Variants in ZSWIM6 observed in about 807,000 individuals in gnomAD.
The protein encoded by ZSWIM6 is zinc finger SWIM-type containing 6, also known as zinc finger SWIM domain-containing protein 6.
A neutral mutation model predicts 113.2 loss-of-function variants in ZSWIM6; 9 were observed. The observed-to-expected ratio is 0.08, with a 90% confidence interval of 0.05 to 0.14. The LOEUF is 0.14. Among genes scored for constraint, ZSWIM6 ranks in the 10% least tolerant of loss-of-function variants. The pLI is 1.00. For synonymous variants in ZSWIM6, 611 were observed against 606.5 expected (o/e 1.01, Z -0.11); for missense variants, 1,162 against 1,552.2 (o/e 0.75, Z 4.22).
At chr5:61,521,165 C>T in intron 4 of ZSWIM6, 98 bp from the exon 5 acceptor site, 1 of 677,326 alleles carries the variant, frequency 1.5e-6, no homozygotes, top group Non-Finnish European at 2.0e-6. Flanking sequence ...ATATAAATTA[C>T]ATTTTTAAAT....
At chr5:61,439,063 T>C (rs1746771092) in intron 1 of ZSWIM6, among the ~76,000 whole-genome samples, 1 of 152,208 alleles carries the variant, frequency 6.6e-6, no homozygotes, top group African/African-American at 2.4e-5. Flanking sequence ...AGAAAATTCC[T>C]ATTAAACCTA....
chr5:61,533,648 T>A (rs551511842), intron 9 of ZSWIM6, among the ~76,000 whole-genome samples: 1 of 152,244 alleles, frequency 6.6e-6, no homozygotes. Context: ...ATCTCCTGAA[T>A]AGTACAAAAA....
At chr5:61,479,365 TTGGGGAATGCAAAAAC>T (rs2112195988) in intron 2 of ZSWIM6, among the ~76,000 whole-genome samples, 2 of 152,266 alleles carry the variant, frequency 1.3e-5, no homozygotes, top group Admixed American at 1.3e-4. Context: ...GAGGAATTTG[TTGGGGAATGCAAAAAC>T]AGCCAGGTTA....
At chr5:61,443,647 G>A (rs1196993291) in intron 1 of ZSWIM6, among the ~76,000 whole-genome samples, 3 of 152,172 alleles carry the variant, frequency 2.0e-5, no homozygotes, top group Non-Finnish European at 4.4e-5. Flanking sequence ...AATAGTCATT[G>A]ATTTAGCTAA....
At chr5:61,502,464 A>G (rs995809817) in intron 4 of ZSWIM6, among the ~76,000 whole-genome samples, 1 of 152,198 alleles carries the variant, frequency 6.6e-6, no homozygotes, top group African/African-American at 2.4e-5. Flanking sequence ...GACGAGGCAG[A>G]TCCTTCTCAA....
Position 61,433,613 on chromosome 5 carries a change from C to T in ZSWIM6, c.677-39068C>T, listed in dbSNP as rs563757909. 1.1e-3 allele frequency among the ~76,000 whole-genome samples: 165 copies of T among 152,004 alleles called. 1 individual carries two copies. Among genetic ancestry groups the T allele is most frequent in the African/African-American group, 3.8e-3 (159 of 41,462 alleles). Reference sequence around the variant, plus strand: ...TCAGCCTCCCAGGTAGCTGGGATTACAGGCTTGTACCACCATGCCCGGCTA... The same window carrying T: ...TCAGCCTCCCAGGTAGCTGGGATTATAGGCTTGTACCACCATGCCCGGCTA... On this transcript the variant is annotated intron_variant, in intron 1 of 13. Coordinates refer to ENST00000252744, the MANE Select transcript of ZSWIM6 (RefSeq NM_020928.2).
At chr5:61,387,447 T>G (rs1339434259) in intron 1 of ZSWIM6, among the ~76,000 whole-genome samples, 1 of 152,214 alleles carries the variant, frequency 6.6e-6, no homozygotes, top group Non-Finnish European at 1.5e-5. Flanking sequence ...GTGGATTGCT[T>G]GAGCTCAGGA....
At chr5:61,352,881 C>G (rs755558322) in intron 1 of ZSWIM6, among the ~76,000 whole-genome samples, 1 of 152,144 alleles carries the variant, frequency 6.6e-6, no homozygotes, top group South Asian at 2.1e-4. Flanking sequence ...TGCTCACATG[C>G]ATAGGTCAGT....
chr5:61,526,492 A>G, intron 7 of ZSWIM6, 96 bp downstream of exon 7: 4 of 1,343,668 alleles, frequency 3.0e-6, no homozygotes, highest in Non-Finnish European at 4.0e-6. Context: ...TAGAACTAAA[A>G]CCATAGATGA....
chr5:61,397,393 G>A (rs923439319), intron 1 of ZSWIM6, among the ~76,000 whole-genome samples: 1 of 152,144 alleles, frequency 6.6e-6, no homozygotes, highest in Non-Finnish European at 1.5e-5. Context: ...GTGCCCCCAG[G>A]GGGTGGCAAT....
chr5:61,332,336 G>GGCGGCGGCGGGGGCA lies in ZSWIM6; in HGVS notation c.67_81dup (p.Gly23_Ser27dup), dbSNP rs2112011648. The GGCGGCGGCGGGGGCA allele has an allele frequency of 9.3e-7, 1 of 1,071,912 alleles. No individual in the cohort carries two copies. Among genetic ancestry groups the GGCGGCGGCGGGGGCA allele is most frequent in the South Asian group, 4.3e-5 (1 of 23,126 alleles). 66.4% of individuals were successfully genotyped at this position (1,071,912 alleles called of 1,614,324 possible). ...GCTTTGCTGCCGGCCGGGCGGCGGC[G>GGCGGCGGCGGGGGCA]GCGGCGGCGGGGGCAGCAGCGGCGG... On this transcript the variant is annotated inframe_insertion, in exon 1 of 14. Coordinates refer to ENST00000252744, the MANE Select transcript of ZSWIM6 (RefSeq NM_020928.2).
chr5:61,486,508 G>A (rs948211692), intron 2 of ZSWIM6, among the ~76,000 whole-genome samples: 9 of 152,058 alleles, frequency 5.9e-5, no homozygotes, highest in African/African-American at 2.2e-4. Flanking sequence ...AGTAATTTGA[G>A]AAATCTCCAT....
intron 1 of ZSWIM6, among the ~76,000 whole-genome samples, chr5:61,387,960 A>T (rs1022694784): frequency 2.8e-5 from 4 of 141,766 alleles, no homozygotes; most frequent in African/African-American, 1.1e-4. Context: ...TACAGAAGTG[A>T]TATTTTACCC....
At chr5:61,425,787 A>C (rs1303023240) in intron 1 of ZSWIM6, among the ~76,000 whole-genome samples, 1 of 152,218 alleles carries the variant, frequency 6.6e-6, no homozygotes. Flanking sequence ...CTGGGCTTAT[A>C]AAAGGGATCA....
chr5:61,513,492 ATCAATT>A (rs1271675748), intron 4 of ZSWIM6, among the ~76,000 whole-genome samples: 1 of 152,098 alleles, frequency 6.6e-6, no homozygotes, highest in Non-Finnish European at 1.5e-5. Flanking sequence ...AGTCTACTTT[ATCAATT>A]TCATCTTTTA....
intron 4 of ZSWIM6, among the ~76,000 whole-genome samples, chr5:61,519,974 C>G (rs1749069087): frequency 6.6e-6 from 1 of 152,150 alleles, no homozygotes; most frequent in Non-Finnish European, 1.5e-5. Context: ...CACCGCTGAT[C>G]TGACAGGAGG....
chr5:61,340,994 G>A (rs917833453), intron 1 of ZSWIM6, among the ~76,000 whole-genome samples: 2 of 152,244 alleles, frequency 1.3e-5, no homozygotes, highest in African/African-American at 4.8e-5. Context: ...ACAGCTGTGT[G>A]ATTATACAGC....
intron 1 of ZSWIM6, among the ~76,000 whole-genome samples, chr5:61,350,173 A>G (rs891233532): frequency 2.6e-5 from 4 of 152,128 alleles, no homozygotes; most frequent in African/African-American, 9.7e-5. Context: ...ACCTGTTCCC[A>G]TTTGTCCAGT....
At chr5:61,452,061 A>G (rs1747096837) in intron 1 of ZSWIM6, among the ~76,000 whole-genome samples, 1 of 152,142 alleles carries the variant, frequency 6.6e-6, no homozygotes. Flanking sequence ...TGCCTCTCTC[A>G]GATACCTTTA....
Sources: allele counts gnomAD v4.1 joint callset (sites outside exome capture counted in the v4.1 genomes callset), GRCh38; gene constraint gnomAD v4.1.1; transcripts MANE v1.5; gene names NCBI Gene and HGNC (gene_info 2026-07-23, HGNC 2026-07-21).